Variants in LRRC4C observed in about 807,000 individuals in gnomAD.
The protein encoded by LRRC4C is leucine-rich repeat-containing protein 4C.
In LRRC4C, 5 loss-of-function variants were observed where a neutral mutation model predicts 33.6. The ratio of observed to expected loss-of-function variants is 0.15; its 90% confidence interval spans 0.08 to 0.31. The LOEUF (loss-of-function observed/expected upper bound fraction) is 0.31. Ranked by LOEUF, LRRC4C falls within the 10% of genes least tolerant of loss-of-function variation. The pLI is 1.00. For missense variants in LRRC4C, 560 were observed against 796.7 expected (o/e 0.70, Z 3.58); for synonymous variants, 329 against 302.0 (o/e 1.09, Z -0.93).
At chr11:41,284,901 G>A (rs926840553) in intron 1 of LRRC4C, among the ~76,000 whole-genome samples, 4 of 152,178 alleles carry the variant, frequency 2.6e-5, no homozygotes, top group African/African-American at 9.7e-5. Context: ...ACAAAGTTAT[G>A]AGTACCTAGG....
At chr11:40,424,906 A>T (rs1335694392) in intron 3 of LRRC4C, among the ~76,000 whole-genome samples, 1 of 152,190 alleles carries the variant, frequency 6.6e-6, no homozygotes, top group Non-Finnish European at 1.5e-5. Context: ...TGTTTTTCTA[A>T]TGAGTAAGCA....
chr11:40,745,312 A>G (rs1385636625), intron 2 of LRRC4C, among the ~76,000 whole-genome samples: 2 of 152,180 alleles, frequency 1.3e-5, no homozygotes, highest in East Asian at 3.9e-4. Context: ...TCTTCTCCAA[A>G]AAAGGGGATT....
chr11:40,289,366 C>T (rs1944044673), intron 4 of LRRC4C, among the ~76,000 whole-genome samples: 1 of 152,148 alleles, frequency 6.6e-6, no homozygotes, highest in South Asian at 2.1e-4. Flanking sequence ...ATTCCCACCT[C>T]ATAGACTAGA....
Position 40,958,559 on chromosome 11 carries a change from T to G in LRRC4C, c.-495-24836A>C, listed in dbSNP as rs552176137. On this transcript the variant is annotated intron_variant, in intron 1 of 6. Transcript: ENST00000528697. ...ATGATAATCAACATTTGACTAATGT[T>G]GGGTAAGCGCATAAACTCCTTGGAT... 1.5e-4 allele frequency among the ~76,000 whole-genome samples: 23 copies of G among 151,844 alleles called. 1 individual carries two copies. In the South Asian group the frequency reaches 3.9e-3, roughly 26 times the overall value.
intron 1 of LRRC4C, among the ~76,000 whole-genome samples, chr11:41,080,701 A>C (rs966301164): frequency 1.3e-5 from 2 of 152,182 alleles, no homozygotes; most frequent in Non-Finnish European, 2.9e-5. Flanking sequence ...ATTTCAAAAA[A>C]AATTATCACT....
chr11:41,289,155 TA>T (rs1386534280), intron 1 of LRRC4C, among the ~76,000 whole-genome samples: 6 of 152,258 alleles, frequency 3.9e-5, no homozygotes, highest in Admixed American at 2.6e-4. Flanking sequence ...TGGGGAGCAT[TA>T]AAAAAATTCT....
intron 1 of LRRC4C, among the ~76,000 whole-genome samples, chr11:41,149,167 T>C (rs1329703957): frequency 1.3e-5 from 2 of 152,168 alleles, no homozygotes; most frequent in Non-Finnish European, 2.9e-5. Flanking sequence ...CCTTAGTCTA[T>C]AAAAATTAAA....
chr11:41,239,647 C>A (rs1948171119), intron 1 of LRRC4C, among the ~76,000 whole-genome samples: 1 of 152,092 alleles, frequency 6.6e-6, no homozygotes, highest in African/African-American at 2.4e-5. Context: ...TCCATTCTGT[C>A]CATTCTGTCA....
At chr11:40,672,705 T>G (rs2136282617) in intron 2 of LRRC4C, among the ~76,000 whole-genome samples, 1 of 152,344 alleles carries the variant, frequency 6.6e-6, no homozygotes, top group East Asian at 1.9e-4. Flanking sequence ...TCGGAGTTTT[T>G]GTAGTTGTGG....
rs16934823 is a variant in LRRC4C at position 40,431,681 on chromosome 11, C to T, written c.-269-111960G>A. 3.9e-3 allele frequency among the ~76,000 whole-genome samples: 588 copies of T among 152,140 alleles called. 20 individuals are homozygous for T. In the East Asian group the frequency reaches 0.07, roughly 18 times the overall value. On this transcript the variant is annotated intron_variant, in intron 3 of 6. Coordinates refer to ENST00000528697, the MANE Select transcript of LRRC4C (RefSeq NM_001258419.2). ...GGAATATCTAAAATGCCCTAAGAAC[C>T]ATATTAAATACTTCATACGCATCAT...
intron 2 of LRRC4C, among the ~76,000 whole-genome samples, chr11:40,748,740 C>T (rs1419352437): frequency 1.3e-5 from 2 of 152,048 alleles, no homozygotes; most frequent in Admixed American, 6.6e-5. Flanking sequence ...TAGAAACGCA[C>T]TTTACCTATA....
chr11:40,549,511 A>C (rs1277761502), intron 3 of LRRC4C, among the ~76,000 whole-genome samples: 1 of 152,214 alleles, frequency 6.6e-6, no homozygotes, highest in Non-Finnish European at 1.5e-5. Flanking sequence ...AAAGTTTAGG[A>C]ACAGATTGAT....
chr11:40,686,600 G>A (rs1944967499), intron 2 of LRRC4C, among the ~76,000 whole-genome samples: 2 of 152,224 alleles, frequency 1.3e-5, no homozygotes, highest in East Asian at 1.9e-4. Flanking sequence ...GTGACCTGAA[G>A]TGGCTGTACA....
intron 1 of LRRC4C, among the ~76,000 whole-genome samples, chr11:40,996,314 A>G (rs1450894389): frequency 1.3e-5 from 2 of 152,106 alleles, no homozygotes; most frequent in Non-Finnish European, 2.9e-5. Context: ...GTCCTAGCCC[A>G]GCAGTTCTCT....
At chr11:40,490,654 CT>C (rs561994057) in intron 3 of LRRC4C, among the ~76,000 whole-genome samples, 96 of 152,156 alleles carry the variant, frequency 6.3e-4, no homozygotes, top group Non-Finnish European at 1.1e-3. Flanking sequence ...AACGCTTCTC[CT>C]TTTCCACTGG....
intron 2 of LRRC4C, among the ~76,000 whole-genome samples, chr11:40,710,129 T>A (rs933329241): frequency 3.3e-5 from 5 of 152,218 alleles, no homozygotes; most frequent in Non-Finnish European, 7.3e-5. Flanking sequence ...TGCGATGGGT[T>A]TGAACATCCT....
At chr11:40,490,112 T>G (rs1027626780) in intron 3 of LRRC4C, among the ~76,000 whole-genome samples, 2 of 152,184 alleles carry the variant, frequency 1.3e-5, no homozygotes, top group African/African-American at 4.8e-5. Flanking sequence ...GTTCAATAAA[T>G]TTGTTAAATA....
At chr11:40,457,498 T>G (rs1429570227) in intron 3 of LRRC4C, among the ~76,000 whole-genome samples, 7 of 152,142 alleles carry the variant, frequency 4.6e-5, no homozygotes, top group Non-Finnish European at 1.0e-4. Context: ...GAACATTTAG[T>G]ACACACAAAT....
chr11:40,501,508 T>C (rs944381641), intron 3 of LRRC4C, among the ~76,000 whole-genome samples: 1 of 152,216 alleles, frequency 6.6e-6, no homozygotes, highest in African/African-American at 2.4e-5. Context: ...CAAACCTCAA[T>C]TCATGACTTC....
Sources: gnomAD v4.1 joint callset for allele counts (sites outside exome capture counted in the v4.1 genomes callset) on GRCh38, gnomAD v4.1.1 for gene constraint, MANE v1.5 for transcripts, NCBI Gene and HGNC (gene_info 2026-07-23, HGNC 2026-07-21) for gene names.